VPS13C: variants seen among roughly 807,000 people sequenced by gnomAD.
VPS13C encodes the protein intermembrane lipid transfer protein VPS13C.
A neutral mutation model predicts 456.8 loss-of-function variants in VPS13C; 358 were observed. That is an observed-to-expected ratio of 0.78 (90% CI 0.72 to 0.86). The LOEUF is 0.86. VPS13C is among the 40% of genes least tolerant of loss of function. VPS13C has a pLI of 0.00. For missense variants in VPS13C, 4,818 were observed against 4,385.4 expected (o/e 1.10, Z -2.79); for synonymous variants, 1,578 against 1,486.7 (o/e 1.06, Z -1.41).
chr15:61,943,551 T>C lies in VPS13C; in HGVS notation c.5149-1484A>G, dbSNP rs543159001. Among the ~76,000 whole-genome samples, 29 of 152,228 alleles carry C rather than the reference T, an allele frequency of 1.9e-4. No homozygotes were observed. The South Asian group carries it at 4.8e-3, about 25-fold the overall frequency. On this transcript the variant is annotated intron_variant, in intron 45 of 84. Coordinates refer to ENST00000644861, the MANE Select transcript of VPS13C (RefSeq NM_020821.3). ...CCCTATTCAGTAAATGGTGCTGAGATAGCTGGCTAGCCATATGCAAAAGAA... is the reference window on the plus strand; with the variant it reads ...CCCTATTCAGTAAATGGTGCTGAGACAGCTGGCTAGCCATATGCAAAAGAA...
At chr15:62,032,993 TC>T (rs2047869233) in intron 5 of VPS13C, among the ~76,000 whole-genome samples, 1 of 151,720 alleles carries the variant, frequency 6.6e-6, no homozygotes, top group Non-Finnish European at 1.5e-5. Context: ...TTTTTTAATA[TC>T]CTGTACAACA....
intron 46 of VPS13C, 41 bp downstream of exon 46, chr15:61,941,722 A>G (rs1010824752): frequency 3.3e-6 from 5 of 1,522,820 alleles, no homozygotes; most frequent in African/African-American, 1.4e-5. Flanking sequence ...TGAAAATCCT[A>G]TTTCTAGTAA....
intron 1 of VPS13C, among the ~76,000 whole-genome samples, chr15:62,058,239 C>T (rs1474025140): frequency 6.6e-6 from 1 of 152,190 alleles, no homozygotes; most frequent in South Asian, 2.1e-4. Context: ...CAAATGTTTA[C>T]AAACTATAAG....
At chr15:62,016,075 T>C (rs998161427) in intron 9 of VPS13C, among the ~76,000 whole-genome samples, 1 of 151,092 alleles carries the variant, frequency 6.6e-6, no homozygotes, top group African/African-American at 2.4e-5. Flanking sequence ...TGTGTATCTC[T>C]ACTTCTCTAT....
chr15:61,990,234 AAAATCAAGGTAACAGTTACCTT>A (rs2046182448), intron 18 of VPS13C, among the ~76,000 whole-genome samples: 1 of 152,190 alleles, frequency 6.6e-6, no homozygotes, highest in South Asian at 2.1e-4. Context: ...GATTACCACA[AAAATCAAGGTAACAGTTACCTT>A]TGGAGAAGCA....
intron 78 of VPS13C, 64 bp from the exon 79 acceptor site, chr15:61,872,098 C>G: frequency 7.3e-7 from 1 of 1,368,720 alleles, no homozygotes; most frequent in South Asian, 1.2e-5. Context: ...AAACCAACCA[C>G]TAGAGGTCTC....
chr15:62,029,429 T>C (rs535173836), intron 5 of VPS13C, among the ~76,000 whole-genome samples: 29 of 152,166 alleles, frequency 1.9e-4, no homozygotes, highest in Admixed American at 1.2e-3. Context: ...ATCCCACAGA[T>C]GCTCTATACT....
intron 49 of VPS13C, 132 bp downstream of exon 49, chr15:61,934,087 G>T: frequency 2.0e-6 from 1 of 493,434 alleles, no homozygotes; most frequent in Non-Finnish European, 3.4e-6. Flanking sequence ...TGCACATTCT[G>T]TAGGCCAAAT....
chr15:62,027,965 G>A (rs1246359023), intron 6 of VPS13C, among the ~76,000 whole-genome samples: 1 of 151,946 alleles, frequency 6.6e-6, no homozygotes, highest in African/African-American at 2.4e-5. Flanking sequence ...CCACTTTATT[G>A]CTTTTTACGT....
intron 55 of VPS13C, among the ~76,000 whole-genome samples, 191 bp from the exon 56 acceptor site, chr15:61,920,838 A>G (rs1407257183): frequency 6.6e-6 from 1 of 152,118 alleles, no homozygotes; most frequent in East Asian, 1.9e-4. Context: ...GTATAGTCCA[A>G]GCATGGGGAA....
At chr15:61,975,529 C>T (rs577434515) in intron 24 of VPS13C, among the ~76,000 whole-genome samples, 3 of 152,026 alleles carry the variant, frequency 2.0e-5, no homozygotes, top group Non-Finnish European at 4.4e-5. Flanking sequence ...CTAAGATGGA[C>T]AAATTCCTTA....
Position 61,929,507 on chromosome 15 carries a change from C to T in VPS13C, c.6280G>A (p.Glu2094Lys). ...ACAGATAAATTCTGCTAACCTTTCT[C>T]TATCTTGACCTTCCCTGTGGCAGTC... is the stretch of plus-strand genomic sequence containing the variant. The part of the protein sequence containing the change: ...RQTATGKVKI[E>K]KDDSVRPNMT... The change falls in exon 51 of 85, where the codon GAG becomes AAG. Residue 2094 changes from glutamate to lysine, a missense_variant. Physicochemically the swap from Glu to Lys is moderately conservative, Grantham distance 56. Transcript: ENST00000644861. 1 of 1,612,954 alleles carries T rather than the reference C, an allele frequency of 6.2e-7. No homozygotes were observed. Among genetic ancestry groups the T allele is most frequent in the Non-Finnish European group, 8.5e-7 (1 of 1,179,176 alleles).
rs772877374 is a variant in VPS13C, at chr15:61,917,472, C to T, written c.7924G>A (p.Val2642Ile). 7 of 1,613,948 alleles carry T rather than the reference C, an allele frequency of 4.3e-6. No individual in the cohort carries two copies. Among genetic ancestry groups the T allele is most frequent in the Admixed American group, 3.3e-5 (2 of 59,994 alleles). The change falls in exon 60 of 85, where the codon GTT (valine) becomes ATT (isoleucine). Residue 2642 changes from valine to isoleucine, a missense_variant. By Grantham distance (29) the Val-to-Ile change is conservative. Coordinates refer to ENST00000644861, the MANE Select transcript of VPS13C (RefSeq NM_020821.3). ...VSFLPLIVNTVALPDELSYIC... is the reference protein window; with the variant it reads ...VSFLPLIVNTIALPDELSYIC... ...TAGCTCAATTCATCAGGCAGAGCAA[C>T]TGTATTCACTATGAGAGGTAAGAAG...
intron 49 of VPS13C, 72 bp from the exon 50 acceptor site, chr15:61,931,331 T>C: frequency 1.4e-6 from 2 of 1,417,806 alleles, no homozygotes; most frequent in Non-Finnish European, 1.9e-6. Flanking sequence ...AACATATTAC[T>C]TAATTCAAAA....
At chr15:61,872,060 T>A in intron 78 of VPS13C, 26 bp from the exon 79 acceptor site, 1 of 1,604,366 alleles carries the variant, frequency 6.2e-7, no homozygotes, top group African/African-American at 1.3e-5. Context: ...ATCATATAGT[T>A]TAGACTGAAT....
rs776636452 is a variant in VPS13C at position 62,060,296 on chromosome 15, G to A, written c.79C>T (p.Leu27=). ...DYVENLNKSQ[L]KLGIWGGNVA... The stretch of plus-strand genomic sequence containing the variant: ...TTACCGCCCCAGATGCCCAGCTTCA[G>A]CTGGGACTTGTTCAGGTTCTCCACA... The change falls in exon 1 of 85, where the codon CTG becomes TTG. Residue 27 remains leucine, a synonymous_variant. Transcript: ENST00000644861. 9 of 1,606,672 alleles carry A rather than the reference G, an allele frequency of 5.6e-6. No individual in the cohort carries two copies. The highest frequency in any genetic ancestry group is 6.8e-6 in the Non-Finnish European group (8 of 1,177,154).
Position 61,920,253 on chromosome 15 carries a change from C to T in VPS13C, c.7291G>A (p.Gly2431Ser), listed in dbSNP as rs765196627. Residue 2431 changes from glycine (G) to serine (S), a missense_variant, in exon 57 of 85, where the codon GGT (glycine) becomes AGT (serine). This residue lies in a region of VPS13C where 4,552 missense variants were observed against 4,130.6 expected (regional missense o/e 1.10). Transcript: ENST00000644861. ...TTGGGCTTCACCTTAATGGGAACAC[C>T]TACAGCATTTTTTACCGTAAAAGGA... ...RAPFTVKNAV[G>S]VPIKVKPNCN... The T allele has an allele frequency of 6.2e-7, 1 of 1,613,310 alleles. No individual in the cohort carries two copies. The highest frequency in any genetic ancestry group is 1.3e-5 in the African/African-American group (1 of 74,868).
rs1218763874 is a variant in VPS13C, at chr15:61,884,233, T to C, written c.9378A>G (p.Lys3126=). The change falls in exon 68 of 85, where the codon AAA becomes AAG. Residue 3126 remains lysine, a synonymous_variant. Transcript: ENST00000644861. ...TCTGCTTTTGACTAAATGGCTTCCA[T>C]TTCTGCTTTGGTTTCACCTCCCAAA... ...GVVWEVKPKQ[K]WKPFSQKQII... The C allele has an allele frequency of 2.5e-6, 4 of 1,610,802 alleles. No individual in the cohort carries two copies. The East Asian group carries it at 6.7e-5, about 27-fold the overall frequency.
Position 61,854,971 on chromosome 15 carries a change from A to G in VPS13C, c.11077-17T>C, listed in dbSNP as rs111710593. ...ACCCTGTTCCTGTTTCAAAAGAAACAATGACAGAAAAGAAATTATTCTGAG... is the reference window on the plus strand; with the variant it reads ...ACCCTGTTCCTGTTTCAAAAGAAACGATGACAGAAAAGAAATTATTCTGAG... On this transcript the variant is annotated splice_polypyrimidine_tract_variant and intron_variant, in intron 83 of 84. Transcript: ENST00000644861. The G allele has an allele frequency of 1.9e-3, 3,004 of 1,576,614 alleles. 62 individuals carry two copies. In the African/African-American group the frequency reaches 0.038, roughly 20 times the overall value.
Sources: allele counts gnomAD v4.1 joint callset (sites outside exome capture counted in the v4.1 genomes callset), GRCh38; gene constraint gnomAD v4.1.1; regional missense constraint gnomAD v4.1.1; transcripts MANE v1.5; gene names NCBI Gene and HGNC (gene_info 2026-07-23, HGNC 2026-07-21).